The following ATE1 variants were observed in gnomAD, a reference collection of about 807,000 sequenced individuals.
ATE1 encodes arginyl-tRNA--protein transferase 1.
ATE1 carries 36 observed loss-of-function variants against 70.5 expected under a neutral mutation model. The observed-to-expected ratio is 0.51, with a 90% CI of 0.39 to 0.67. The LOEUF (loss-of-function observed/expected upper bound fraction) is 0.67, where lower values mean the gene tolerates loss of function less well. Ranked by LOEUF, ATE1 falls within the 30% of genes least tolerant of loss-of-function variation. The pLI is 0.00. For synonymous variants in ATE1, 232 were observed against 219.3 expected (o/e 1.06, Z -0.51); for missense variants, 593 against 629.5 (o/e 0.94, Z 0.62).
At chr10:121,903,044 T>G (rs74407785) in intron 5 of ATE1, among the ~76,000 whole-genome samples, 20,201 of 151,794 alleles carry the variant, frequency 0.13, 1,530 homozygotes, top group East Asian at 0.2. Context: ...TTTTGTATTT[T>G]CAGTAGAGAT....
chr10:121,822,088 C>T (rs1056433301), intron 10 of ATE1, among the ~76,000 whole-genome samples: 1 of 152,144 alleles, frequency 6.6e-6, no homozygotes, highest in Non-Finnish European at 1.5e-5. Flanking sequence ...CACCAAAGAA[C>T]ACGTAACATA....
chr10:121,902,875 C>G (rs1951036960), intron 5 of ATE1, among the ~76,000 whole-genome samples: 1 of 151,274 alleles, frequency 6.6e-6, no homozygotes, highest in Admixed American at 6.6e-5. Flanking sequence ...TCTTTTTTTT[C>G]TTTTTTTTGA....
At position 121,770,304 on chromosome 10, in the gene ATE1, C is replaced by T. The variant is rs1011067562; in HGVS notation, c.1378+19865G>A. On this transcript the variant is annotated intron_variant, in intron 11 of 11. Transcript: ENST00000224652. ...TACACCCTGTATACACACTGAGAGA[C>T]GCACAGAAAAAGAGAGAACTCACAA... Among the ~76,000 whole-genome samples, 6 of 149,908 alleles carry T rather than the reference C, an allele frequency of 4.0e-5. No homozygotes were observed. In the East Asian group the frequency reaches 5.9e-4, roughly 15 times the overall value.
chr10:121,743,745 C>A lies in ATE1; in HGVS notation c.1492G>T (p.Val498Phe). ...QQKDPSEEAAVLQYASLVGQK... is the reference protein window; with the variant it reads ...QQKDPSEEAAFLQYASLVGQK... ...CCCACCAGGCTGGCGTACTGCAGAA[C>A]AGCAGCCTCCTCACTTGGGTCTTTC... is the stretch of plus-strand genomic sequence containing the variant. Residue 498 changes from valine (V) to phenylalanine (F), a missense_variant, in exon 12 of 12, where the codon GTT becomes TTT. Physicochemically the swap from Val to Phe is conservative, Grantham distance 50 (BLOSUM62 -1). This residue lies in a region of ATE1 where 90 missense variants were observed against 93.7 expected (regional missense o/e 0.96). Coordinates refer to ENST00000224652, the MANE Select transcript of ATE1 (RefSeq NM_001001976.3). 6.2e-7 allele frequency: 1 copy of A among 1,614,124 alleles called. No individual in the cohort carries two copies. Among genetic ancestry groups the A allele is most frequent in the East Asian group, 2.2e-5 (1 of 44,872 alleles).
At chr10:121,797,089 A>G (rs776491124) in intron 10 of ATE1, among the ~76,000 whole-genome samples, 4 of 152,256 alleles carry the variant, frequency 2.6e-5, no homozygotes, top group Admixed American at 6.5e-5. Context: ...ATAAAAGGAC[A>G]TATGTACGTG....
At chr10:121,900,877 C>A (rs1472219670) in intron 6 of ATE1, among the ~76,000 whole-genome samples, 2 of 152,108 alleles carry the variant, frequency 1.3e-5, no homozygotes, top group Non-Finnish European at 2.9e-5. Context: ...TAAAAGACAC[C>A]TTGTAAAATA....
intron 11 of ATE1, among the ~76,000 whole-genome samples, chr10:121,765,280 T>A (rs746419869): frequency 1.3e-4 from 19 of 151,914 alleles, no homozygotes; most frequent in Non-Finnish European, 2.1e-4. Flanking sequence ...CACCCTTCAG[T>A]ACAAATGTAT....
At chr10:121,827,190 T>C (rs1350199213) in intron 10 of ATE1, among the ~76,000 whole-genome samples, 1 of 152,144 alleles carries the variant, frequency 6.6e-6, no homozygotes, top group African/African-American at 2.4e-5. Flanking sequence ...AATTTTGTAC[T>C]TTTAGTAGAG....
chr10:121,881,606 T>A lies in ATE1; in HGVS notation c.943-11568A>T, dbSNP rs550424359. 4.6e-4 allele frequency among the ~76,000 whole-genome samples: 67 copies of A among 145,944 alleles called. 1 individual carries two copies. The highest frequency in any genetic ancestry group is 9.2e-4 in the Non-Finnish European group (62 of 67,264). ...GATTCAAGGATATAGTGCACAGTGA[T>A]CATAATACTTACAAATAACCAACTG... On this transcript the variant is annotated intron_variant, in intron 7 of 11. Coordinates refer to ENST00000224652, the MANE Select transcript of ATE1 (RefSeq NM_001001976.3).
chr10:121,811,493 A>T (rs901561319), intron 10 of ATE1, among the ~76,000 whole-genome samples: 3 of 152,224 alleles, frequency 2.0e-5, no homozygotes, highest in Non-Finnish European at 4.4e-5. Flanking sequence ...ATTAATTGTA[A>T]CACAATATGA....
At chr10:121,773,945 G>A (rs748080628) in intron 11 of ATE1, among the ~76,000 whole-genome samples, 4 of 152,202 alleles carry the variant, frequency 2.6e-5, no homozygotes, top group Non-Finnish European at 5.9e-5. Context: ...TTTCTACAAA[G>A]TCAAGACTAT....
intron 5 of ATE1, among the ~76,000 whole-genome samples, chr10:121,904,746 A>G (rs928018695): frequency 6.6e-6 from 1 of 151,954 alleles, no homozygotes; most frequent in African/African-American, 2.4e-5. Context: ...CAGTTTTTAA[A>G]GAGAAGAAAA....
chr10:121,783,765 T>C (rs1052315295), intron 11 of ATE1, among the ~76,000 whole-genome samples: 1 of 152,222 alleles, frequency 6.6e-6, no homozygotes, highest in Admixed American at 6.5e-5. Flanking sequence ...CTAACATTTA[T>C]AGACATGCTC....
intron 1 of ATE1, chr10:121,927,491 C>A: frequency 3.0e-6 from 3 of 985,326 alleles, no homozygotes; most frequent in Non-Finnish European, 3.6e-6. Flanking sequence ...ACGCTCCCAC[C>A]GCAGCACCCA....
intron 5 of ATE1, among the ~76,000 whole-genome samples, chr10:121,909,077 TTCCCAAGCTCAGGTGATCC>T (rs1185743726): frequency 1.3e-5 from 2 of 152,136 alleles, no homozygotes; most frequent in Non-Finnish European, 2.9e-5. Flanking sequence ...CAGCCTCGAC[TTCCCAAGCTCAGGTGATCC>T]TCCCACCTCA....
chr10:121,821,432 T>C (rs1947792901), intron 10 of ATE1, among the ~76,000 whole-genome samples: 1 of 152,106 alleles, frequency 6.6e-6, no homozygotes, highest in Non-Finnish European at 1.5e-5. Context: ...AAAACACTTA[T>C]CCAACAAAGG....
intron 10 of ATE1, among the ~76,000 whole-genome samples, chr10:121,800,093 A>C (rs1298427570): frequency 6.6e-6 from 1 of 152,228 alleles, no homozygotes; most frequent in African/African-American, 2.4e-5. Flanking sequence ...CTTTATAAGA[A>C]GACGGATGTG....
At chr10:121,835,641 A>G (rs1049352825) in intron 10 of ATE1, among the ~76,000 whole-genome samples, 5 of 152,132 alleles carry the variant, frequency 3.3e-5, no homozygotes, top group African/African-American at 9.7e-5. Context: ...TGATCAGATG[A>G]TATTTGGAAA....
intron 11 of ATE1, among the ~76,000 whole-genome samples, chr10:121,772,856 T>G (rs1564825394): frequency 6.6e-6 from 1 of 152,234 alleles, no homozygotes; most frequent in Non-Finnish European, 1.5e-5. Context: ...ATGTGCATAA[T>G]CAACTAAGAT....
Sources: allele counts gnomAD v4.1 joint callset (sites outside exome capture counted in the v4.1 genomes callset), GRCh38; gene constraint gnomAD v4.1.1; regional missense constraint gnomAD v4.1.1; transcripts MANE v1.5; gene names NCBI Gene and HGNC (gene_info 2026-07-23, HGNC 2026-07-21).